Variants in ZDHHC13 observed in about 807,000 individuals in gnomAD.
ZDHHC13 encodes palmitoyltransferase ZDHHC13.
ZDHHC13 carries 85 observed loss-of-function variants against 86.0 expected under a neutral mutation model. That is an observed-to-expected ratio of 0.99 (90% confidence interval 0.83 to 1.18). ZDHHC13 has a LOEUF of 1.18. ZDHHC13 is among the 50% of genes most tolerant of loss of function. The pLI is 0.00. For synonymous variants in ZDHHC13, 263 were observed against 246.4 expected, an observed-to-expected ratio of 1.07 and a Z score of -0.63; for missense variants, 711 against 730.2, an observed-to-expected ratio of 0.97 and a Z score of 0.30.
At chr11:19,144,762 G>C (rs1462596755) in intron 2 of ZDHHC13, among the ~76,000 whole-genome samples, 1 of 152,152 alleles carries the variant, frequency 6.6e-6, no homozygotes, top group African/African-American at 2.4e-5. Context: ...CTTTCAGGTA[G>C]TTTTAAGTAG....
intron 10 of ZDHHC13, among the ~76,000 whole-genome samples, chr11:19,159,575 T>C (rs570620153): frequency 2.2e-4 from 33 of 150,380 alleles, no homozygotes; most frequent in African/African-American, 7.0e-4. Flanking sequence ...CTTTACTCTA[T>C]GGTGTTATTT....
intron 14 of ZDHHC13, chr11:19,167,582 A>C (rs912995013): frequency 4.6e-5 from 7 of 152,130 alleles, no homozygotes; most frequent in African/African-American, 1.7e-4. Flanking sequence ...TGCCATAGGC[A>C]TGGAGGGCTT....
At chr11:19,134,894 T>A (rs1170276367) in intron 1 of ZDHHC13, among the ~76,000 whole-genome samples, 1 of 152,058 alleles carries the variant, frequency 6.6e-6, no homozygotes, top group Non-Finnish European at 1.5e-5. Context: ...TATCTGGGTA[T>A]GGTGGCATGC....
In ZDHHC13 at chr11:19,117,244, GGGGAGA is replaced by G; in HGVS notation, c.-5_1del. 2 of 1,520,278 alleles carry G rather than the reference GGGGAGA, an allele frequency of 1.3e-6. No individual in the cohort carries two copies. The allele number at this position is 1,520,278 out of a possible 1,614,324, so 94.2% of individuals were successfully genotyped here. On this transcript the variant is annotated start_lost and 5_prime_UTR_variant, in exon 1 of 17. Coordinates refer to ENST00000446113, the MANE Select transcript of ZDHHC13 (RefSeq NM_019028.3). The surrounding 1 kb of genome is among the most constrained non-coding windows in gnomAD (Gnocchi z 4.2). ...GTAGCCTCAGCCGCTGTGGGCTCCT[GGGGAGA>G]TGGAGGGGCCGGGGCTGGGCTCGCA...
At chr11:19,169,222 A>G (rs897963763) in intron 14 of ZDHHC13, 3 of 985,428 alleles carry the variant, frequency 3.0e-6, no homozygotes, top group East Asian at 2.3e-4. Context: ...TGTTTTCTCC[A>G]CCTACTGTTG....
At chr11:19,125,856 T>G (rs953865298) in intron 1 of ZDHHC13, among the ~76,000 whole-genome samples, 22 of 152,286 alleles carry the variant, frequency 1.4e-4, no homozygotes, top group Non-Finnish European at 1.5e-5. Flanking sequence ...ACTGTATGAT[T>G]CCATTATATG....
rs376405327 is a variant in ZDHHC13 at position 19,155,932 on chromosome 11, G to C, written c.1007+3G>C. The C allele has an allele frequency of 2.1e-5, 33 of 1,594,672 alleles. No homozygotes were observed. Among genetic ancestry groups the C allele is most frequent in the Non-Finnish European group, 2.7e-5 (32 of 1,175,558 alleles). On this transcript the variant is annotated splice_donor_region_variant and intron_variant, in intron 9 of 16. Coordinates refer to ENST00000446113, the MANE Select transcript of ZDHHC13 (RefSeq NM_019028.3). The stretch of plus-strand genomic sequence containing the variant: ...TTTCTGACATCTTTGTTTCCAAGGT[G>C]TGTATGTTAATTTTTGCAAGGCTGG...
chr11:19,164,534 G>T, intron 12 of ZDHHC13, 171 bp downstream of exon 12: 1 of 632,672 alleles, frequency 1.6e-6, no homozygotes. Context: ...ATGGCAGAAT[G>T]ATGTTTATAA....
intron 1 of ZDHHC13, among the ~76,000 whole-genome samples, chr11:19,130,832 T>TC (rs1848981432): frequency 6.6e-6 from 1 of 151,920 alleles, no homozygotes. Flanking sequence ...GTCTGATTTT[T>TC]CCAGACTGGT....
At position 19,176,119 on chromosome 11, in the gene ZDHHC13, C is replaced by A; in HGVS notation, c.*159C>A. The A allele has an allele frequency of 1.6e-6, 1 of 631,720 alleles. No homozygotes were observed. The highest frequency in any genetic ancestry group is 2.4e-6 in the Non-Finnish European group (1 of 424,344). 39.1% of individuals were successfully genotyped at this position (631,720 alleles called of 1,614,324 possible). Reference sequence around the variant, plus strand: ...AAAAAAGTTCTCAATAAAGGCATTACAATTTTTTAGGTTTAGAAAGATGGA... The same window carrying A: ...AAAAAAGTTCTCAATAAAGGCATTAAAATTTTTTAGGTTTAGAAAGATGGA... On this transcript the variant is annotated 3_prime_UTR_variant, in exon 17 of 17. Coordinates refer to ENST00000446113, the MANE Select transcript of ZDHHC13 (RefSeq NM_019028.3).
At chr11:19,122,023 C>T (rs1037803953) in intron 1 of ZDHHC13, among the ~76,000 whole-genome samples, 3 of 152,114 alleles carry the variant, frequency 2.0e-5, no homozygotes, top group African/African-American at 7.2e-5. Flanking sequence ...TCAAGGTTAC[C>T]TGTCTTCTTC....
chr11:19,122,460 GC>G (rs1848777341), intron 1 of ZDHHC13, among the ~76,000 whole-genome samples: 1 of 151,960 alleles, frequency 6.6e-6, no homozygotes, highest in Non-Finnish European at 1.5e-5. Flanking sequence ...GTAGAAATCA[GC>G]TTAAGCTACT....
chr11:19,166,245 T>C (rs1478549784), intron 13 of ZDHHC13, 57 bp from the exon 14 acceptor site: 4 of 1,406,516 alleles, frequency 2.8e-6, no homozygotes, highest in Admixed American at 2.1e-5. Flanking sequence ...GGAGGTCTTA[T>C]GTTGAAAATC....
In ZDHHC13 at chr11:19,172,798, T is replaced by C. The variant is rs775665844; in HGVS notation, c.1708T>C (p.Ser570Pro). ...GAGCAAGCATATGAAACAGACGTTG[T>C]CCCTCAGGAAGACACCATACAAGTA... ...KQSKHMKQTLSLRKTPYNLGF... is the reference protein window; with the variant it reads ...KQSKHMKQTLPLRKTPYNLGF... The change falls in exon 16 of 17, where the codon TCC becomes CCC. Residue 570 changes from serine to proline, a missense_variant. Ser to Pro is a moderately conservative substitution (Grantham distance 74). Transcript: ENST00000446113. The C allele has an allele frequency of 1.2e-6, 2 of 1,604,626 alleles. No homozygotes were observed. The highest frequency in any genetic ancestry group is 1.7e-6 in the Non-Finnish European group (2 of 1,175,610).
intron 1 of ZDHHC13, among the ~76,000 whole-genome samples, chr11:19,140,586 A>T (rs1249275291): frequency 6.6e-6 from 1 of 152,168 alleles, no homozygotes; most frequent in East Asian, 1.9e-4. Context: ...AAAGGACTAT[A>T]AATCATGCTG....
chr11:19,119,315 C>T (rs1310181673), intron 1 of ZDHHC13, among the ~76,000 whole-genome samples: 3 of 152,140 alleles, frequency 2.0e-5, no homozygotes, highest in Admixed American at 1.3e-4. Context: ...CCATGTTGGC[C>T]AGGATGGTCT....
chr11:19,135,381 G>A (rs1242899632), intron 1 of ZDHHC13, among the ~76,000 whole-genome samples: 7 of 152,176 alleles, frequency 4.6e-5, no homozygotes, highest in Admixed American at 2.0e-4. Context: ...AAAAAACGGC[G>A]CACCAGGAGA....
chr11:19,156,074 G>A lies in ZDHHC13; in HGVS notation c.1007+145G>A, dbSNP rs973333317. ...ACAGCATCCTGCGGGTGGATGGGAG[G>A]AAAGGGCTCTGGTAGCATATTATTT... On this transcript the variant is annotated intron_variant, in intron 9 of 16. Transcript: ENST00000446113. 4 of 1,055,064 alleles carry A rather than the reference G, an allele frequency of 3.8e-6. No homozygotes were observed. In the African/African-American group the frequency reaches 5.0e-5, roughly 13 times the overall value. 65.4% of individuals were successfully genotyped at this position (1,055,064 alleles called of 1,614,324 possible). A position where few individuals can be genotyped will look rare whatever the true frequency, so the allele number is the denominator to read the frequency against.
intron 14 of ZDHHC13, chr11:19,169,387 A>T: frequency 1.0e-6 from 1 of 985,450 alleles, no homozygotes; most frequent in Non-Finnish European, 1.2e-6. Flanking sequence ...GCATATATTC[A>T]TGAAAGATGG....
Sources: allele counts gnomAD v4.1 joint callset (sites outside exome capture counted in the v4.1 genomes callset), GRCh38; gene constraint gnomAD v4.1.1; non-coding constraint Gnocchi (gnomAD v3.1); transcripts MANE v1.5; gene names NCBI Gene and HGNC (gene_info 2026-07-23, HGNC 2026-07-21).